ELOVL2: variants seen among roughly 807,000 people sequenced by gnomAD.
The protein encoded by ELOVL2 is very long chain fatty acid elongase 2.
In ELOVL2, 38 loss-of-function variants were observed where a neutral mutation model predicts 37.7. The observed-to-expected ratio is 1.01, with a 90% CI of 0.78 to 1.32. The LOEUF is 1.32. Among genes scored for constraint, ELOVL2 ranks in the 40% most tolerant of loss-of-function variants. The pLI, the probability that ELOVL2 is intolerant of heterozygous loss-of-function variation, is 0.00. For synonymous variants in ELOVL2, 115 were observed against 122.3 expected (o/e 0.94, Z 0.40); for missense variants, 352 against 363.6 (o/e 0.97, Z 0.26).
chr6:11,044,133 C>A lies in ELOVL2; in HGVS notation c.3+95G>T. The A allele has an allele frequency of 7.4e-7, 1 of 1,347,486 alleles. No individual in the cohort carries two copies. 83.5% of individuals were successfully genotyped at this position (1,347,486 alleles called of 1,614,324 possible). A position where few individuals can be genotyped will look rare whatever the true frequency, so the allele number is the denominator to read the frequency against. On this transcript the variant is annotated intron_variant, in intron 1 of 7. Coordinates refer to ENST00000354666, the MANE Select transcript of ELOVL2 (RefSeq NM_017770.4). This position sits in a 1 kb window ranked among gnomAD's most constrained non-coding sequence, Gnocchi z 5.6. The stretch of plus-strand genomic sequence containing the variant: ...TCCAGCGGCGAACCCGCAGCGCCCG[C>A]GCCGGCGCCCGCTCGGCCCTTTCCC...
At chr6:10,991,607 G>A (rs77731503) in intron 5 of ELOVL2, among the ~76,000 whole-genome samples, 2,530 of 152,232 alleles carry the variant, frequency 0.017, 64 homozygotes, top group African/African-American at 0.057. Flanking sequence ...TTAGTGATCT[G>A]GATAGCTAAA....
rs755573923 is a variant in ELOVL2 at position 10,990,350 on chromosome 6, A to G, written c.598T>C (p.Trp200Arg). The G allele has an allele frequency of 6.2e-7, 1 of 1,613,196 alleles. No homozygotes were observed. ...SVFPSMHKYLWWKKYLTQAQL... is the reference protein window; with the variant it reads ...SVFPSMHKYLRWKKYLTQAQL... ...GCCTGTGTGAGATATTTCTTCCACCAAAGATACTTGTGCATAGATGGAAAC... is the reference window on the plus strand; with the variant it reads ...GCCTGTGTGAGATATTTCTTCCACCGAAGATACTTGTGCATAGATGGAAAC... Residue 200 changes from tryptophan (W) to arginine (R), a missense_variant, in exon 6 of 8, where the codon TGG becomes CGG. By Grantham distance (101) the Trp-to-Arg change is moderately radical (BLOSUM62 -3). Coordinates refer to ENST00000354666, the MANE Select transcript of ELOVL2 (RefSeq NM_017770.4).
Position 10,982,775 on chromosome 6 carries a change from A to G in ELOVL2, c.*1006T>C, listed in dbSNP as rs984271820. ...CTTCAAAAACTTAAATAACCTGTGA[A>G]GAGTGACAACAGGTATCTGAGGTAA... On this transcript the variant is annotated 3_prime_UTR_variant, in exon 8 of 8. Transcript: ENST00000354666. 1 of 152,254 alleles carries G rather than the reference A, an allele frequency of 6.6e-6. No individual in the cohort carries two copies. Among genetic ancestry groups the G allele is most frequent in the African/African-American group, 2.4e-5 (1 of 41,470 alleles). The allele number at this position is 152,254 out of a possible 1,614,324, so 9.4% of individuals were successfully genotyped here. A position where few individuals can be genotyped will look rare whatever the true frequency, so the allele number is the denominator to read the frequency against.
intron 4 of ELOVL2, among the ~76,000 whole-genome samples, chr6:10,997,072 AATAAT>A (rs1385651774): frequency 1.4e-5 from 2 of 145,386 alleles, no homozygotes; most frequent in Middle Eastern, 3.3e-3. Context: ...CATCTGTCTT[AATAAT>A]ATGTCATGTT....
intron 2 of ELOVL2, 31 bp downstream of exon 2, chr6:11,010,715 T>G: frequency 6.4e-7 from 1 of 1,562,052 alleles, no homozygotes; most frequent in Non-Finnish European, 8.8e-7. Flanking sequence ...CTGTGTTCCT[T>G]CCACATTAAG....
At chr6:11,013,161 T>C (rs1782612347) in intron 1 of ELOVL2, among the ~76,000 whole-genome samples, 1 of 152,250 alleles carries the variant, frequency 6.6e-6, no homozygotes, top group Admixed American at 6.5e-5. Context: ...GTGACCTATC[T>C]GACAGAGAGA....
At chr6:10,995,594 C>G (rs142079633) in intron 4 of ELOVL2, among the ~76,000 whole-genome samples, 3 of 152,332 alleles carry the variant, frequency 2.0e-5, no homozygotes, top group East Asian at 1.9e-4. Flanking sequence ...GCTCCCAGCA[C>G]TCCTTTCCTA....
At chr6:11,002,360 A>G (rs911053346) in intron 3 of ELOVL2, among the ~76,000 whole-genome samples, 2 of 152,198 alleles carry the variant, frequency 1.3e-5, no homozygotes, top group African/African-American at 4.8e-5. Flanking sequence ...GTTAATAATT[A>G]TTGCGGTGAT....
chr6:11,000,594 C>A (rs936887618), intron 3 of ELOVL2, among the ~76,000 whole-genome samples: 2 of 151,982 alleles, frequency 1.3e-5, no homozygotes, highest in Non-Finnish European at 2.9e-5. Context: ...ACATATATTG[C>A]CATTTTACAG....
chr6:11,024,972 G>A (rs186118364), intron 1 of ELOVL2, among the ~76,000 whole-genome samples: 180 of 152,258 alleles, frequency 1.2e-3, no homozygotes, highest in Admixed American at 3.3e-3. Flanking sequence ...CAGAGAGAAG[G>A]GATAGATTAC....
At chr6:11,042,451 T>C (rs1783113508) in intron 1 of ELOVL2, among the ~76,000 whole-genome samples, 1 of 152,168 alleles carries the variant, frequency 6.6e-6, no homozygotes, top group African/African-American at 2.4e-5. Context: ...TTTCAAGAGC[T>C]TGCCCTTGAT....
intron 1 of ELOVL2, among the ~76,000 whole-genome samples, chr6:11,016,408 G>A (rs977927917): frequency 6.6e-6 from 1 of 152,180 alleles, no homozygotes; most frequent in Non-Finnish European, 1.5e-5. Flanking sequence ...CACACAGTTT[G>A]AAACATAGCA....
chr6:10,984,298 G>A (rs1474661110), intron 7 of ELOVL2, among the ~76,000 whole-genome samples: 1 of 152,120 alleles, frequency 6.6e-6, no homozygotes, highest in East Asian at 1.9e-4. Flanking sequence ...GATTACAGGC[G>A]TGAGCCACTG....
At chr6:11,016,885 A>G (rs1782692614) in intron 1 of ELOVL2, among the ~76,000 whole-genome samples, 1 of 152,216 alleles carries the variant, frequency 6.6e-6, no homozygotes, top group Non-Finnish European at 1.5e-5. Flanking sequence ...ACTTCACACA[A>G]TATGTATCTG....
intron 7 of ELOVL2, among the ~76,000 whole-genome samples, chr6:10,986,705 G>C (rs1443084134): frequency 6.6e-6 from 1 of 151,704 alleles, no homozygotes; most frequent in Non-Finnish European, 1.5e-5. Flanking sequence ...AAGCCCACTT[G>C]GTCATGGTGG....
intron 7 of ELOVL2, among the ~76,000 whole-genome samples, chr6:10,988,630 A>T (rs189534003): frequency 4.1e-4 from 62 of 152,364 alleles, no homozygotes; most frequent in Admixed American, 3.8e-3. Flanking sequence ...TAAAAAGTAA[A>T]GCACTTCTTA....
In ELOVL2 at chr6:10,983,696, A is replaced by G; in HGVS notation, c.*85T>C. On this transcript the variant is annotated 3_prime_UTR_variant, in exon 8 of 8. Coordinates refer to ENST00000354666, the MANE Select transcript of ELOVL2 (RefSeq NM_017770.4). ...AACTCAAAAGAAATTAGTTTATCCT[A>G]AAACATGTAACCTTCAATTCAGTCT... is the stretch of plus-strand genomic sequence containing the variant. 7.0e-7 allele frequency: 1 copy of G among 1,419,720 alleles called. No individual in the cohort carries two copies. Among genetic ancestry groups the G allele is most frequent in the Non-Finnish European group, 9.4e-7 (1 of 1,060,850 alleles). 87.9% of individuals were successfully genotyped at this position (1,419,720 alleles called of 1,614,324 possible).
At chr6:10,984,042 GA>G (rs1157809641) in intron 7 of ELOVL2, 136 bp from the exon 8 acceptor site, 4 of 824,630 alleles carry the variant, frequency 4.9e-6, no homozygotes, top group African/African-American at 1.8e-5. Context: ...TTTTGAGGCA[GA>G]GTTTCAATCT....
intron 3 of ELOVL2, among the ~76,000 whole-genome samples, chr6:11,003,885 C>T (rs1782433354): frequency 6.6e-6 from 1 of 151,850 alleles, no homozygotes; most frequent in Admixed American, 6.6e-5. Context: ...AGTTCGAGAC[C>T]AGCCTAACCA....
Sources: allele counts gnomAD v4.1 joint callset (sites outside exome capture counted in the v4.1 genomes callset), GRCh38; gene constraint gnomAD v4.1.1; non-coding constraint Gnocchi (gnomAD v3.1); transcripts MANE v1.5; gene names NCBI Gene and HGNC (gene_info 2026-07-23, HGNC 2026-07-21).